The following KANSL2 variants were observed in gnomAD, a reference collection of about 807,000 sequenced individuals.
The protein encoded by KANSL2 is NSL complex protein NSL2.
A neutral mutation model predicts 55.6 loss-of-function variants in KANSL2; 34 were observed. That is an observed-to-expected ratio of 0.61 (90% CI 0.46 to 0.81). KANSL2 has a LOEUF of 0.81. KANSL2 is among the 40% of genes least tolerant of loss of function. KANSL2 has a pLI of 0.00. For missense variants in KANSL2, 502 were observed against 609.9 expected (o/e 0.82, Z 1.86); for synonymous variants, 209 against 214.3 (o/e 0.98, Z 0.22).
chr12:48,673,570 A>G (rs1939767375), intron 4 of KANSL2, among the ~76,000 whole-genome samples: 1 of 151,342 alleles, frequency 6.6e-6, no homozygotes, highest in South Asian at 2.1e-4. Flanking sequence ...AAAAAAAGAA[A>G]AAAAAAAAAA....
At chr12:48,663,798 G>A (rs916905013) in intron 7 of KANSL2, among the ~76,000 whole-genome samples, 1 of 151,416 alleles carries the variant, frequency 6.6e-6, no homozygotes, top group African/African-American at 2.4e-5. Context: ...AATTTTGGGA[G>A]AATCAAAAAT....
intron 2 of KANSL2, 44 bp downstream of exon 2, chr12:48,681,334 TACCC>T: frequency 6.5e-7 from 1 of 1,550,160 alleles, no homozygotes; most frequent in Non-Finnish European, 8.7e-7. Context: ...TCATATCACA[TACCC>T]CCTCGCTTTA....
At chr12:48,681,886 C>T (rs1196910126) in intron 1 of KANSL2, 1 of 704,014 alleles carries the variant, frequency 1.4e-6, no homozygotes, top group South Asian at 1.5e-5. Context: ...AGGACTCGCA[C>T]AGCTGCAGCA....
At position 48,655,030 on chromosome 12, in the gene KANSL2, A is replaced by G; in HGVS notation, c.1258T>C (p.Cys420Arg). The change falls in exon 9 of 10, where the codon TGT becomes CGT. Residue 420 changes from cysteine (C) to arginine (R), a missense_variant. Coordinates refer to ENST00000420613, the MANE Select transcript of KANSL2 (RefSeq NM_017822.4). Reference sequence around the variant, plus strand: ...TCAAAAAGCAAAGGTGAAGGAGGACACTGCATACCATCACCCACAACATCC... The same window carrying G: ...TCAAAAAGCAAAGGTGAAGGAGGACGCTGCATACCATCACCCACAACATCC... The part of the protein sequence containing the change: ...DLDVVGDGMQ[C>R]PPSPLLFDPS... The G allele has an allele frequency of 6.3e-7, 1 of 1,584,620 alleles. No homozygotes were observed. Among genetic ancestry groups the G allele is most frequent in the Non-Finnish European group, 8.6e-7 (1 of 1,164,998 alleles).
At chr12:48,661,018 G>A (rs575636708) in intron 7 of KANSL2, among the ~76,000 whole-genome samples, 3 of 152,216 alleles carry the variant, frequency 2.0e-5, no homozygotes, top group South Asian at 4.1e-4. Flanking sequence ...AGAGTCAAGC[G>A]ATACAATGTC....
intron 4 of KANSL2, among the ~76,000 whole-genome samples, chr12:48,675,349 T>C (rs1049371335): frequency 6.6e-5 from 10 of 152,164 alleles, no homozygotes; most frequent in African/African-American, 2.4e-4. Context: ...AAGGTTGCAG[T>C]GAGCTGAGAT....
At chr12:48,665,737 T>A (rs1939585619) in intron 7 of KANSL2, among the ~76,000 whole-genome samples, 1 of 152,196 alleles carries the variant, frequency 6.6e-6, no homozygotes, top group Non-Finnish European at 1.5e-5. Context: ...CAAAAAAGTT[T>A]GAAGGCCCAA....
intron 8 of KANSL2, among the ~76,000 whole-genome samples, chr12:48,657,374 G>A (rs1284127645): frequency 2.6e-5 from 4 of 152,014 alleles, no homozygotes; most frequent in East Asian, 1.9e-4. Context: ...GCAGTGAGCC[G>A]AGACTGCACC....
chr12:48,655,617 C>T (rs987709427), intron 8 of KANSL2, among the ~76,000 whole-genome samples: 1 of 150,454 alleles, frequency 6.6e-6, no homozygotes, highest in Non-Finnish European at 1.5e-5. Context: ...AAAGTAGAAA[C>T]GGAGAATAGT....
rs1398953868 is a variant in KANSL2 at position 48,671,675 on chromosome 12, G to A, written c.709+124C>T. The A allele has an allele frequency of 1.1e-5, 11 of 997,750 alleles. No individual in the cohort carries two copies. In the East Asian group the frequency reaches 2.2e-4, roughly 20 times the overall value. 61.8% of individuals were successfully genotyped at this position (997,750 alleles called of 1,614,324 possible). Reference sequence around the variant, plus strand: ...CCTACGTTAGCGTGAGTCACTCCATGAAGTTTGAATGACAAAAATCACCTA... The same window carrying A: ...CCTACGTTAGCGTGAGTCACTCCATAAAGTTTGAATGACAAAAATCACCTA... On this transcript the variant is annotated intron_variant, in intron 5 of 9. Transcript: ENST00000420613.
At chr12:48,660,312 T>C (rs1939464005) in intron 8 of KANSL2, 54 bp downstream of exon 8, 4 of 1,593,190 alleles carry the variant, frequency 2.5e-6, no homozygotes, top group Admixed American at 3.5e-5. Flanking sequence ...TCACCATTAA[T>C]AAATAAGGCT....
At chr12:48,663,667 T>C (rs889057746) in intron 7 of KANSL2, among the ~76,000 whole-genome samples, 5 of 152,050 alleles carry the variant, frequency 3.3e-5, no homozygotes, top group Admixed American at 2.0e-4. Context: ...GTAACACTTT[T>C]TCCTAGTTTA....
chr12:48,660,200 T>G (rs550009656), intron 8 of KANSL2, among the ~76,000 whole-genome samples, 166 bp downstream of exon 8: 25 of 152,198 alleles, frequency 1.6e-4, no homozygotes, highest in Non-Finnish European at 2.6e-4. Flanking sequence ...TAAGGTAGGG[T>G]AGATTTCTCT....
intron 4 of KANSL2, among the ~76,000 whole-genome samples, chr12:48,673,973 AAAT>A (rs1565608817): frequency 6.6e-6 from 1 of 152,128 alleles, no homozygotes; most frequent in Non-Finnish European, 1.5e-5. Context: ...ATAAATAAAT[AAAT>A]AAGTGAATAA....
intron 5 of KANSL2, 107 bp from the exon 6 acceptor site, chr12:48,669,379 C>G: frequency 2.4e-6 from 2 of 833,132 alleles, no homozygotes; most frequent in Non-Finnish European, 3.6e-6. Context: ...TAGGCAGTTT[C>G]AAAAGCAAAT....
At chr12:48,672,788 T>C (rs1939750740) in intron 4 of KANSL2, among the ~76,000 whole-genome samples, 1 of 150,694 alleles carries the variant, frequency 6.6e-6, no homozygotes. Flanking sequence ...TGAGACAGTC[T>C]TGCTCTGTCA....
intron 4 of KANSL2, among the ~76,000 whole-genome samples, chr12:48,673,858 A>G (rs1459234613): frequency 2.0e-5 from 3 of 151,442 alleles, no homozygotes; most frequent in Non-Finnish European, 2.9e-5. Context: ...GACTGAGGTG[A>G]AAGGATCACT....
chr12:48,654,734 C>A (rs1204721312), intron 9 of KANSL2, among the ~76,000 whole-genome samples: 1 of 152,188 alleles, frequency 6.6e-6, no homozygotes, highest in Non-Finnish European at 1.5e-5. Context: ...TGGAGAACTA[C>A]AGCAACAAGG....
chr12:48,658,549 A>C (rs1389176374), intron 8 of KANSL2: 2 of 152,194 alleles, frequency 1.3e-5, no homozygotes, highest in Non-Finnish European at 2.9e-5. Flanking sequence ...TGAGGTTAGG[A>C]GATCGAGACC....
Sources: gnomAD v4.1 joint callset for allele counts (sites outside exome capture counted in the v4.1 genomes callset) on GRCh38, gnomAD v4.1.1 for gene constraint, MANE v1.5 for transcripts, NCBI Gene and HGNC (gene_info 2026-07-23, HGNC 2026-07-21) for gene names.